ATP7A: variants seen among roughly 807,000 people sequenced by gnomAD.
ATP7A encodes the protein copper-transporting ATPase 1.
ATP7A carries 7 observed loss-of-function variants against 83.5 expected under a neutral mutation model. The ratio of observed to expected loss-of-function variants is 0.08; its 90% CI spans 0.05 to 0.16. The LOEUF is 0.16. Ranked by LOEUF, ATP7A falls within the 10% of genes least tolerant of loss-of-function variation. ATP7A has a pLI of 1.00. For missense variants in ATP7A, 940 were observed against 1,120.8 expected (o/e 0.84, Z 2.30); for synonymous variants, 354 against 395.2 (o/e 0.90, Z 1.24).
At chrX:78,044,881 A>G (rs1270955094) in intron 21 of ATP7A, among the ~76,000 whole-genome samples, 1 of 112,015 alleles carries the variant, frequency 8.9e-6, no homozygotes, top group Non-Finnish European at 1.9e-5. Context: ...GTTTATCAGC[A>G]AGGACACACA....
chrX:78,028,562 C>G (rs1387543998), intron 14 of ATP7A, among the ~76,000 whole-genome samples: 7 of 111,630 alleles, frequency 6.3e-5, no homozygotes, highest in Admixed American at 5.7e-4. Flanking sequence ...TGGTCTCAAA[C>G]TCCTGGCCTC....
chrX:77,977,952 G>A (rs1472679402), intron 2 of ATP7A, among the ~76,000 whole-genome samples: 1 of 111,593 alleles, frequency 9.0e-6, no homozygotes, highest in South Asian at 3.8e-4. Context: ...GTGTTCTGGG[G>A]CCAGAGAGAG....
chrX:78,041,359 T>C (rs1557238374), intron 19 of ATP7A, among the ~76,000 whole-genome samples: 2 of 109,591 alleles, frequency 1.8e-5, no homozygotes, highest in African/African-American at 6.7e-5. Flanking sequence ...CATCGCAACC[T>C]CCACCTCCTG....
chrX:77,932,709 C>T (rs908145924), intron 1 of ATP7A, among the ~76,000 whole-genome samples: 37 of 112,922 alleles, frequency 3.3e-4, no homozygotes, highest in African/African-American at 1.1e-3. Context: ...TGGAGACCAG[C>T]CCGGCCAACA....
At chrX:77,939,127 C>T (rs1246969394) in intron 1 of ATP7A, among the ~76,000 whole-genome samples, 29 of 110,886 alleles carry the variant, frequency 2.6e-4, no homozygotes, top group African/African-American at 9.5e-4. Flanking sequence ...AAAACCCTGT[C>T]TCTACTAAAA....
intron 13 of ATP7A, among the ~76,000 whole-genome samples, chrX:78,020,638 G>A (rs1022038686): frequency 2.6e-4 from 29 of 110,805 alleles, no homozygotes; most frequent in Admixed American, 9.6e-5. Context: ...TCAGCCTCCC[G>A]AGTAGCTGGG....
chrX:78,018,524 A>T (rs916671540), intron 12 of ATP7A, among the ~76,000 whole-genome samples: 5 of 111,365 alleles, frequency 4.5e-5, no homozygotes, highest in Admixed American at 2.9e-4. Flanking sequence ...AAACAAAAAA[A>T]CCTAACACCA....
intron 14 of ATP7A, among the ~76,000 whole-genome samples, chrX:78,022,317 G>C (rs2077911802): frequency 9.0e-6 from 1 of 110,814 alleles, no homozygotes; most frequent in African/African-American, 3.3e-5. Context: ...TTAAGTATTT[G>C]AGAACTTAAC....
At chrX:78,035,858 A>G (rs1015294896) in intron 17 of ATP7A, among the ~76,000 whole-genome samples, 1 of 112,129 alleles carries the variant, frequency 8.9e-6, no homozygotes, top group African/African-American at 3.2e-5. Context: ...ATTGACTGAC[A>G]TATATTGACA....
At chrX:77,974,086 C>T (rs1190096905) in intron 2 of ATP7A, among the ~76,000 whole-genome samples, 2 of 110,073 alleles carry the variant, frequency 1.8e-5, no homozygotes, top group Non-Finnish European at 3.8e-5. Flanking sequence ...ACTTATCAAA[C>T]CTATTAGCTT....
At chrX:77,924,905 T>A (rs1224379354) in intron 1 of ATP7A, among the ~76,000 whole-genome samples, 4 of 111,699 alleles carry the variant, frequency 3.6e-5, no homozygotes, top group Non-Finnish European at 7.5e-5. Flanking sequence ...TTGGCCAGGC[T>A]GGTCTCGAAC....
At chrX:77,996,136 C>G (rs2077703569) in intron 4 of ATP7A, among the ~76,000 whole-genome samples, 1 of 112,310 alleles carries the variant, frequency 8.9e-6, no homozygotes. Flanking sequence ...GCAGGTTCCA[C>G]AGTTAATATT....
At chrX:78,025,248 G>A (rs781875417) in intron 14 of ATP7A, among the ~76,000 whole-genome samples, 36 of 111,857 alleles carry the variant, frequency 3.2e-4, no homozygotes, top group African/African-American at 1.1e-3. Context: ...GAAAGAAAAC[G>A]TCCCTTGGAA....
At position 78,049,731 on chromosome X, in the gene ATP7A, T is replaced by A. The variant is rs1037996668; in HGVS notation, c.*3161T>A. The stretch of plus-strand genomic sequence containing the variant: ...ATGTATAGAATGCTTAAAATAGCAC[T>A]GTAGACAAGATGTTTCCAAAACTTT... On this transcript the variant is annotated 3_prime_UTR_variant, in exon 23 of 23. Transcript: ENST00000341514. 1 of 112,819 alleles carries A rather than the reference T, an allele frequency of 8.9e-6. No homozygotes were observed. Among genetic ancestry groups the A allele is most frequent in the Non-Finnish European group, 1.9e-5 (1 of 53,283 alleles). 9.3% of individuals were successfully genotyped at this position (112,819 alleles called of 1,213,427 possible).
At chrX:78,011,427 T>G in intron 8 of ATP7A, 22 bp from the exon 9 acceptor site, 1 of 1,192,185 alleles carries the variant, frequency 8.4e-7, no homozygotes, top group Non-Finnish European at 1.1e-6. Flanking sequence ...TGATTTTTCT[T>G]TTTTTATTTT....
At chrX:77,922,158 G>A (rs1557223184) in intron 1 of ATP7A, among the ~76,000 whole-genome samples, 1 of 109,740 alleles carries the variant, frequency 9.1e-6, no homozygotes. Context: ...ATTATATAGT[G>A]TTAAATGAAA....
At chrX:78,004,699 A>G (rs1372842767) in intron 6 of ATP7A, among the ~76,000 whole-genome samples, 1 of 109,751 alleles carries the variant, frequency 9.1e-6, no homozygotes, top group Non-Finnish European at 1.9e-5. Context: ...CCTGACCAAC[A>G]TGGTGAAACC....
chrX:78,046,178 T>C (rs2078082116), intron 22 of ATP7A, 116 bp from the exon 23 acceptor site: 2 of 875,562 alleles, frequency 2.3e-6, no homozygotes, highest in Admixed American at 2.3e-5. Flanking sequence ...ATCACCTTTA[T>C]ACATTTCATA....
intron 2 of ATP7A, among the ~76,000 whole-genome samples, chrX:77,979,394 T>G (rs943215428): frequency 6.3e-5 from 7 of 111,775 alleles, no homozygotes; most frequent in Non-Finnish European, 1.3e-4. Context: ...TTAAAATTTC[T>G]GCAAATAATT....
Sources: gnomAD v4.1 joint callset for allele counts (sites outside exome capture counted in the v4.1 genomes callset) on GRCh38, gnomAD v4.1.1 for gene constraint, MANE v1.5 for transcripts, NCBI Gene and HGNC (gene_info 2026-07-23, HGNC 2026-07-21) for gene names.